EXOC6: variants seen among roughly 807,000 people sequenced by gnomAD.
The protein encoded by EXOC6 is exocyst complex component 6, also known as SEC15-like 1.
EXOC6 carries 60 observed loss-of-function variants against 112.5 expected under a neutral mutation model. The observed-to-expected ratio is 0.53, with a 90% confidence interval of 0.43 to 0.66. The LOEUF (loss-of-function observed/expected upper bound fraction) is 0.66. Ranked by LOEUF, EXOC6 falls within the 30% of genes least tolerant of loss-of-function variation. EXOC6 has a pLI of 0.00. For missense variants in EXOC6, 855 were observed against 957.1 expected (o/e 0.89, Z 1.41); for synonymous variants, 295 against 308.0 (o/e 0.96, Z 0.44).
chr10:92,968,409 C>T (rs929731801), intron 17 of EXOC6, among the ~76,000 whole-genome samples: 1 of 152,116 alleles, frequency 6.6e-6, no homozygotes, highest in Non-Finnish European at 1.5e-5. Context: ...AGTTATTTAA[C>T]TCCTGGCCTC....
chr10:93,041,398 A>G (rs1320993080), intron 20 of EXOC6, among the ~76,000 whole-genome samples: 1 of 151,866 alleles, frequency 6.6e-6, no homozygotes, highest in Non-Finnish European at 1.5e-5. Flanking sequence ...TTGTTTATTT[A>G]TTTATTTATT....
intron 5 of EXOC6, among the ~76,000 whole-genome samples, chr10:92,902,036 G>T (rs1459572672): frequency 6.7e-6 from 1 of 149,798 alleles, no homozygotes; most frequent in Non-Finnish European, 1.5e-5. Context: ...CAAAAACAAG[G>T]AACTAAGATG....
intron 1 of EXOC6, among the ~76,000 whole-genome samples, chr10:92,885,460 A>G (rs1160841613): frequency 6.6e-6 from 1 of 151,640 alleles, no homozygotes; most frequent in Non-Finnish European, 1.5e-5. Context: ...GCTCACTGCA[A>G]CCTCTGCTTT....
At chr10:92,943,024 ATTT>A (rs202118303) in intron 13 of EXOC6, among the ~76,000 whole-genome samples, 2 of 144,206 alleles carry the variant, frequency 1.4e-5, no homozygotes, top group Admixed American at 7.0e-5. Context: ...TTTTTGCCTA[ATTT>A]TTTTTTTTTT....
chr10:92,828,249 A>C (rs553799519), intron 1 of EXOC6, among the ~76,000 whole-genome samples: 19 of 152,166 alleles, frequency 1.2e-4, no homozygotes, highest in Non-Finnish European at 2.2e-4. Flanking sequence ...TTTCCAGGAC[A>C]ATTTTGAATA....
chr10:92,828,631 G>A (rs1846421961), intron 1 of EXOC6, among the ~76,000 whole-genome samples: 1 of 79,116 alleles, frequency 1.3e-5, no homozygotes, highest in Non-Finnish European at 2.5e-5. Flanking sequence ...ACTGTGCCCC[G>A]CCAGTTTTTT....
At chr10:93,010,902 A>G (rs1844209127) in intron 19 of EXOC6, among the ~76,000 whole-genome samples, 1 of 152,156 alleles carries the variant, frequency 6.6e-6, no homozygotes, top group Non-Finnish European at 1.5e-5. Flanking sequence ...ATAAAGTGCT[A>G]TATAAATTTA....
Position 92,946,590 on chromosome 10 carries a change from C to A in EXOC6, c.1311-1684C>A, listed in dbSNP as rs140271144. On this transcript the variant is annotated intron_variant, in intron 13 of 21. Transcript: ENST00000260762. ...AGTGAATATCTTCCTATGACATTCCCTTTCCTAAAACCTTTTAATGCCTAC... is the reference window on the plus strand; with the variant it reads ...AGTGAATATCTTCCTATGACATTCCATTTCCTAAAACCTTTTAATGCCTAC... Among the ~76,000 whole-genome samples the A allele has an allele frequency of 2.5e-3, 386 of 152,194 alleles. 3 individuals are homozygous for A. The highest frequency in any genetic ancestry group is 8.7e-3 in the African/African-American group (363 of 41,510).
At chr10:93,024,431 A>ATTTTAT (rs1316854386) in intron 20 of EXOC6, among the ~76,000 whole-genome samples, 2 of 151,992 alleles carry the variant, frequency 1.3e-5, no homozygotes, top group African/African-American at 4.8e-5. Context: ...TTAGAATTTT[A>ATTTTAT]TTTTATTTTA....
At chr10:92,973,553 T>C (rs938343052) in intron 17 of EXOC6, among the ~76,000 whole-genome samples, 1 of 152,246 alleles carries the variant, frequency 6.6e-6, no homozygotes, top group Non-Finnish European at 1.5e-5. Flanking sequence ...CTGGCATCAC[T>C]CCTATTGTTT....
chr10:93,054,186 C>T (rs1406328746), intron 20 of EXOC6, among the ~76,000 whole-genome samples: 1 of 152,148 alleles, frequency 6.6e-6, no homozygotes, highest in Admixed American at 6.5e-5. Flanking sequence ...CTGCTTTATT[C>T]CTATCTTACA....
At chr10:93,012,387 T>G (rs1844290071) in intron 19 of EXOC6, among the ~76,000 whole-genome samples, 1 of 152,210 alleles carries the variant, frequency 6.6e-6, no homozygotes. Context: ...AAACAGCTCT[T>G]ACTTCCATAA....
chr10:92,896,029 ATG>A (rs145029321), intron 4 of EXOC6, among the ~76,000 whole-genome samples: 28 of 136,110 alleles, frequency 2.1e-4, no homozygotes, highest in East Asian at 6.5e-4. Flanking sequence ...GTGTATATAT[ATG>A]TGTGTATATA....
At chr10:92,998,191 A>G (rs932727176) in intron 19 of EXOC6, among the ~76,000 whole-genome samples, 21 of 152,308 alleles carry the variant, frequency 1.4e-4, no homozygotes, top group Admixed American at 7.8e-4. Flanking sequence ...TTTGGTCATT[A>G]GCCTTGTTAC....
intron 1 of EXOC6, among the ~76,000 whole-genome samples, chr10:92,829,025 A>C (rs1247805508): frequency 6.6e-6 from 1 of 152,172 alleles, no homozygotes; most frequent in African/African-American, 2.4e-5. Flanking sequence ...AGATGTAGAA[A>C]GGCAGGCTAG....
chr10:93,056,815 C>T, intron 20 of EXOC6, 109 bp from the exon 21 acceptor site: 1 of 643,942 alleles, frequency 1.6e-6, no homozygotes, highest in Non-Finnish European at 2.7e-6. Context: ...GTATTCTGTT[C>T]CATCTAAGAA....
At chr10:92,851,020 C>A (rs1338278256) in intron 1 of EXOC6, among the ~76,000 whole-genome samples, 1 of 151,868 alleles carries the variant, frequency 6.6e-6, no homozygotes, top group African/African-American at 2.4e-5. Context: ...GACTAACACA[C>A]AAAAAATAAA....
At chr10:93,058,129 TG>T in intron 21 of EXOC6, 93 bp from the exon 22 acceptor site, 1 of 1,111,500 alleles carries the variant, frequency 9.0e-7, no homozygotes, top group Non-Finnish European at 1.3e-6. Flanking sequence ...AGGATTAGTG[TG>T]GGATAATTCA....
chr10:93,010,004 C>T (rs1564907667), intron 19 of EXOC6, among the ~76,000 whole-genome samples: 1 of 152,036 alleles, frequency 6.6e-6, no homozygotes, highest in Non-Finnish European at 1.5e-5. Context: ...GTAATCCAAG[C>T]AAGAAATGAT....
Sources: gnomAD v4.1 joint callset for allele counts (sites outside exome capture counted in the v4.1 genomes callset) on GRCh38, gnomAD v4.1.1 for gene constraint, MANE v1.5 for transcripts, NCBI Gene and HGNC (gene_info 2026-07-23, HGNC 2026-07-21) for gene names.